The following SNURF variants were observed in gnomAD, a reference collection of about 807,000 sequenced individuals.
SNURF encodes SNRPN upstream open reading frame.
Under a neutral mutation model 11.6 loss-of-function variants are expected in SNURF, and 6 were observed. The observed-to-expected ratio is 0.52, with a 90% confidence interval of 0.28 to 1.02. The LOEUF is 1.02. Among genes scored for constraint, SNURF ranks in the 50% least tolerant of loss-of-function variants. SNURF has a pLI of 0.09. For synonymous variants in SNURF, 29 were observed against 31.6 expected (o/e 0.92, Z 0.27); for missense variants, 84 against 88.4 (o/e 0.95, Z 0.20).
rs1296604463 is a variant in SNURF at position 24,967,653 on chromosome 15, A to C, written c.111-279A>C. Among the ~76,000 whole-genome samples the C allele has an allele frequency of 4.0e-5, 6 of 151,320 alleles. No homozygotes were observed. The East Asian group carries it at 9.8e-4, about 25-fold the overall frequency. On this transcript the variant is annotated intron_variant, in intron 2 of 2. Coordinates refer to ENST00000577949, the Ensembl canonical transcript of SNURF. ...TGAGACTCTGTCTTAAAAAAAAAAA[A>C]AAAAATTAGCTGGGTGTGGTGGTAG...
chr15:24,961,785 T>C (rs978286873), intron 1 of SNURF, among the ~76,000 whole-genome samples: 1 of 152,116 alleles, frequency 6.6e-6, no homozygotes, highest in Non-Finnish European at 1.5e-5. Flanking sequence ...AGTAGGGTAG[T>C]GGTGGTATGT....
chr15:24,974,482 T>C (rs1235018730), intron 3 of SNURF: 1 of 1,611,502 alleles, frequency 6.2e-7, no homozygotes. Flanking sequence ...AGGCTGAGGG[T>C]TGAAATGTGC....
At chr15:24,962,487 T>C (rs1404006681) in intron 2 of SNURF, among the ~76,000 whole-genome samples, 2 of 152,230 alleles carry the variant, frequency 1.3e-5, no homozygotes, top group Non-Finnish European at 2.9e-5. Context: ...ATAAGCATAC[T>C]TAAATTTTTC....
At chr15:24,955,642 T>C (rs1566949635) in intron 1 of SNURF, among the ~76,000 whole-genome samples, 3 of 107,538 alleles carry the variant, frequency 2.8e-5, no homozygotes, top group African/African-American at 3.8e-5. Flanking sequence ...GCGAGGAGGC[T>C]ATGGCAGTGG....
downstream of SNURF, among the ~76,000 whole-genome samples, chr15:24,970,206 CTT>C (rs1437062294): frequency 6.6e-6 from 1 of 152,136 alleles, no homozygotes; most frequent in Non-Finnish European, 1.5e-5. Context: ...GATGGGTAGT[CTT>C]TAACAACATT....
chr15:24,955,201 A>G, intron 1 of SNURF, 139 bp downstream of exon 1: 1 of 1,197,550 alleles, frequency 8.4e-7, no homozygotes. Flanking sequence ...CTGGAGAACC[A>G]GATCCGGAAT....
At position 24,967,365 on chromosome 15, in the gene SNURF, C is replaced by T. The variant is rs187074641; in HGVS notation, c.111-567C>T. On this transcript the variant is annotated intron_variant, in intron 2 of 2. Transcript: ENST00000577949. ...CTAAAGAAAGATCTTCTTCCCTGGG[C>T]GTGGTGGCTCACGCTTGTAATCCCA... 55 of 155,314 alleles carry T rather than the reference C, an allele frequency of 3.5e-4. 1 individual carries two copies. The East Asian group carries it at 9.9e-3, about 28-fold the overall frequency. The allele number at this position is 155,314 out of a possible 1,614,324, so 9.6% of individuals were successfully genotyped here.
At chr15:24,973,588 C>G (rs2554427), downstream of SNURF, among the ~76,000 whole-genome samples, 1 of 151,266 alleles carries the variant, frequency 6.6e-6, no homozygotes, top group East Asian at 2.0e-4. Context: ...CTAGCAGAGA[C>G]GGGATTTCAC....
intron 6 of SNURF, chr15:24,977,109 GTATGTGTCATACAATGTAAACAGCA>G: frequency 8.6e-7 from 1 of 1,157,424 alleles, no homozygotes; most frequent in Admixed American, 2.9e-5. Flanking sequence ...AAACCTAAGT[GTATGTGTCATACAATGTAAACAGCA>G]TATGGTTTAG....
chr15:24,965,981 A>T (rs1242174971), intron 2 of SNURF, among the ~76,000 whole-genome samples: 3 of 152,166 alleles, frequency 2.0e-5, no homozygotes, highest in African/African-American at 7.2e-5. Context: ...AGATTTATTT[A>T]TTCAGTGATT....
chr15:24,978,280 C>T (rs777253872), downstream of SNURF: 8 of 1,614,010 alleles, frequency 5.0e-6, no homozygotes, highest in South Asian at 2.2e-5. Context: ...ATAGGCATGC[C>T]GCCTCCGGGA....
intron 3 of SNURF, chr15:24,974,448 G>A (rs914976868): frequency 4.3e-6 from 7 of 1,613,486 alleles, no homozygotes; most frequent in African/African-American, 1.3e-5. Context: ...TGGTGGAACA[G>A]CAATCATGGT....
chr15:24,974,902 T>C, intron 3 of SNURF: 2 of 702,728 alleles, frequency 2.8e-6, no homozygotes, highest in Non-Finnish European at 5.2e-6. Flanking sequence ...TACAGGAGTT[T>C]TTGGTCATGA....
intron 2 of SNURF, 102 bp from the exon 3 acceptor site, chr15:24,967,830 G>GAAAA: frequency 1.3e-6 from 1 of 794,450 alleles, no homozygotes; most frequent in Non-Finnish European, 2.0e-6. Flanking sequence ...AAAAAAAAAG[G>GAAAA]AATATCTTCT....
chr15:24,962,895 A>T (rs558049438), intron 2 of SNURF, among the ~76,000 whole-genome samples: 1 of 152,224 alleles, frequency 6.6e-6, no homozygotes, highest in East Asian at 1.9e-4. Flanking sequence ...TTTTTTTCTT[A>T]GCTACAATTG....
downstream of SNURF, among the ~76,000 whole-genome samples, chr15:24,970,315 C>T (rs1048126736): frequency 3.3e-5 from 5 of 152,160 alleles, no homozygotes; most frequent in African/African-American, 1.2e-4. Context: ...TGTGGTGGCT[C>T]ACGCCTGTCA....
chr15:24,965,878 T>C (rs992889643), intron 2 of SNURF, among the ~76,000 whole-genome samples: 1 of 152,194 alleles, frequency 6.6e-6, no homozygotes, highest in African/African-American at 2.4e-5. Context: ...TATATTTTTT[T>C]TTACTGAAAC....
chr15:24,956,767 C>T (rs1027286061), intron 1 of SNURF, among the ~76,000 whole-genome samples: 1 of 152,124 alleles, frequency 6.6e-6, no homozygotes, highest in Admixed American at 6.6e-5. Flanking sequence ...CCCTTACCCA[C>T]GGTGCAGCAG....
intron 3 of SNURF, chr15:24,975,103 A>C: frequency 1.6e-6 from 1 of 636,354 alleles, no homozygotes; most frequent in Non-Finnish European, 2.8e-6. Context: ...TAGAGCATGC[A>C]TCGTCACAGA....
Sources: gnomAD v4.1 joint callset for allele counts (sites outside exome capture counted in the v4.1 genomes callset) on GRCh38, gnomAD v4.1.1 for gene constraint, MANE v1.5 for transcripts, NCBI Gene and HGNC (gene_info 2026-07-23, HGNC 2026-07-21) for gene names.